Variants in RIC8B observed in about 807,000 individuals in gnomAD.
RIC8B encodes chaperone Ric-8B.
RIC8B carries 16 observed loss-of-function variants against 57.5 expected under a neutral mutation model. The observed-to-expected ratio is 0.28, with a 90% CI of 0.19 to 0.42. The LOEUF (loss-of-function observed/expected upper bound fraction) is 0.42. RIC8B is among the 10% of genes least tolerant of loss of function. The pLI is 1.00. For missense variants in RIC8B, 481 were observed against 677.0 expected, an observed-to-expected ratio of 0.71 and a Z score of 3.21; for synonymous variants, 216 against 250.8, an observed-to-expected ratio of 0.86 and a Z score of 1.31.
chr12:106,809,107 A>C (rs1225176386), intron 2 of RIC8B, among the ~76,000 whole-genome samples: 3 of 152,342 alleles, frequency 2.0e-5, no homozygotes, highest in African/African-American at 7.2e-5. Context: ...AATAAATCGG[A>C]GACAGCTATG....
At chr12:106,849,506 A>T (rs1023656609) in intron 6 of RIC8B, among the ~76,000 whole-genome samples, 2 of 151,744 alleles carry the variant, frequency 1.3e-5, no homozygotes, top group African/African-American at 4.8e-5. Flanking sequence ...TATGGTACAC[A>T]TACAAATTTA....
chr12:106,878,974 T>G, intron 9 of RIC8B: 1 of 985,820 alleles, frequency 1.0e-6, no homozygotes, highest in Non-Finnish European at 1.2e-6. Context: ...GCATGACTGT[T>G]GTTTCATTAC....
chr12:106,825,691 C>T (rs1593221811), intron 3 of RIC8B, 35 bp from the exon 4 acceptor site: 1 of 1,528,888 alleles, frequency 6.5e-7, no homozygotes, highest in Non-Finnish European at 9.1e-7. Flanking sequence ...AGGCATTCAA[C>T]CCCCAATGTT....
At chr12:106,776,700 A>C (rs1407841631) in intron 1 of RIC8B, among the ~76,000 whole-genome samples, 1 of 152,108 alleles carries the variant, frequency 6.6e-6, no homozygotes, top group African/African-American at 2.4e-5. Context: ...GAACATCTCC[A>C]GCTCCCCTTT....
At chr12:106,791,700 TG>T (rs1290048437) in intron 2 of RIC8B, among the ~76,000 whole-genome samples, 1 of 152,238 alleles carries the variant, frequency 6.6e-6, no homozygotes, top group African/African-American at 2.4e-5. Context: ...TGTTAGGCCT[TG>T]GCTCCTAAGT....
At chr12:106,793,066 T>C (rs1178915032) in intron 2 of RIC8B, among the ~76,000 whole-genome samples, 1 of 152,180 alleles carries the variant, frequency 6.6e-6, no homozygotes, top group African/African-American at 2.4e-5. Flanking sequence ...TCTTACCTCC[T>C]TCCATTCTGC....
At chr12:106,837,806 T>C (rs901435111) in intron 4 of RIC8B, among the ~76,000 whole-genome samples, 5 of 152,126 alleles carry the variant, frequency 3.3e-5, no homozygotes, top group African/African-American at 9.7e-5. Flanking sequence ...CATGCCTGGC[T>C]AATTTTTGTA....
At chr12:106,823,794 C>T (rs1223809700) in intron 3 of RIC8B, among the ~76,000 whole-genome samples, 1 of 151,800 alleles carries the variant, frequency 6.6e-6, no homozygotes, top group Non-Finnish European at 1.5e-5. Context: ...AAGCAATTCT[C>T]CTGCCTCAGC....
chr12:106,886,104 C>A lies in RIC8B; in HGVS notation c.*89C>A. The A allele has an allele frequency of 1.1e-6, 1 of 918,132 alleles. No individual in the cohort carries two copies. Among genetic ancestry groups the A allele is most frequent in the Non-Finnish European group, 1.7e-6 (1 of 574,140 alleles). The allele number at this position is 918,132 out of a possible 1,614,324, so 56.9% of individuals were successfully genotyped here. A position where few individuals can be genotyped will look rare whatever the true frequency, so the allele number is the denominator to read the frequency against. Reference sequence around the variant, plus strand: ...AATCTTTTCTCTAAAACATTTATGCCCTTGCTTTGGCTAGAAACACATTAA... The same window carrying A: ...AATCTTTTCTCTAAAACATTTATGCACTTGCTTTGGCTAGAAACACATTAA... On this transcript the variant is annotated 3_prime_UTR_variant, in exon 10 of 10. Transcript: ENST00000392837.
intron 7 of RIC8B, 43 bp downstream of exon 7, chr12:106,851,637 G>C: frequency 6.4e-7 from 1 of 1,562,250 alleles, no homozygotes; most frequent in East Asian, 2.2e-5. Flanking sequence ...TCTTTCAGAG[G>C]GACTTTGAGA....
At chr12:106,843,504 C>T (rs1052579749) in intron 5 of RIC8B, among the ~76,000 whole-genome samples, 6 of 150,932 alleles carry the variant, frequency 4.0e-5, no homozygotes, top group Non-Finnish European at 7.4e-5. Context: ...TCGTGGATCA[C>T]GAGGTCAGGA....
chr12:106,796,599 CAT>C (rs1295255370), intron 2 of RIC8B, among the ~76,000 whole-genome samples: 1 of 152,132 alleles, frequency 6.6e-6, no homozygotes, highest in Non-Finnish European at 1.5e-5. Context: ...TAGGAGAAAA[CAT>C]AAAGGTAAAT....
intron 4 of RIC8B, among the ~76,000 whole-genome samples, chr12:106,835,064 G>A (rs1014797339): frequency 6.8e-5 from 10 of 147,900 alleles, no homozygotes; most frequent in Admixed American, 6.7e-4. Context: ...CTCCAGGGTT[G>A]TATCTACCTC....
chr12:106,789,845 C>CA (rs2044191887), intron 2 of RIC8B, among the ~76,000 whole-genome samples: 1 of 151,698 alleles, frequency 6.6e-6, no homozygotes, highest in African/African-American at 2.4e-5. Context: ...AACTACATTG[C>CA]TATCTCTTTG....
chr12:106,779,089 C>T (rs1401182960), intron 1 of RIC8B, among the ~76,000 whole-genome samples: 1 of 151,994 alleles, frequency 6.6e-6, no homozygotes, highest in Non-Finnish European at 1.5e-5. Context: ...AATTTTGTAT[C>T]TTTAGTAGAG....
chr12:106,782,567 A>T (rs1297648108), intron 1 of RIC8B, among the ~76,000 whole-genome samples: 4 of 152,122 alleles, frequency 2.6e-5, no homozygotes, highest in Admixed American at 2.6e-4. Flanking sequence ...CCTATTTGCC[A>T]ATTCAGGTGT....
intron 4 of RIC8B, among the ~76,000 whole-genome samples, chr12:106,826,859 G>A (rs1203621501): frequency 2.6e-5 from 4 of 152,138 alleles, no homozygotes; most frequent in African/African-American, 9.7e-5. Context: ...AGGCTGAGGC[G>A]GGCAGATCAC....
intron 4 of RIC8B, 41 bp from the exon 5 acceptor site, chr12:106,842,548 C>A: frequency 6.8e-7 from 1 of 1,466,970 alleles, no homozygotes; most frequent in South Asian, 1.2e-5. Flanking sequence ...AAGGACTATT[C>A]AATCAAGTTA....
chr12:106,858,422 G>A (rs1316501136), intron 7 of RIC8B, among the ~76,000 whole-genome samples: 1 of 152,038 alleles, frequency 6.6e-6, no homozygotes, highest in Non-Finnish European at 1.5e-5. Context: ...CAGTCGCTTT[G>A]TGTCTGACCA....
Sources: allele counts gnomAD v4.1 joint callset (sites outside exome capture counted in the v4.1 genomes callset), GRCh38; gene constraint gnomAD v4.1.1; transcripts MANE v1.5; gene names NCBI Gene and HGNC (gene_info 2026-07-23, HGNC 2026-07-21).